The following ZNF420 variants were observed in gnomAD, a reference collection of about 807,000 sequenced individuals.
ZNF420 encodes zinc finger protein 420.
ZNF420 carries 31 observed loss-of-function variants against 44.7 expected under a neutral mutation model. That is an observed-to-expected ratio of 0.69 (90% confidence interval 0.52 to 0.94). The LOEUF is 0.94. Ranked by LOEUF, ZNF420 falls within the 40% of genes least tolerant of loss-of-function variation. The pLI, the probability that ZNF420 is intolerant of heterozygous loss-of-function variation, is 0.00. For missense variants in ZNF420, 681 were observed against 827.9 expected (o/e 0.82, Z 2.18); for synonymous variants, 245 against 267.4 (o/e 0.92, Z 0.82).
intron 4 of ZNF420, among the ~76,000 whole-genome samples, chr19:37,120,288 C>T (rs867265807): frequency 6.6e-6 from 1 of 152,208 alleles, no homozygotes; most frequent in Non-Finnish European, 1.5e-5. Flanking sequence ...ATCAAGTGGG[C>T]TTCATCCCTG....
At chr19:37,010,643 G>A (rs754123017) in intron 1 of ZNF420, among the ~76,000 whole-genome samples, 3 of 151,888 alleles carry the variant, frequency 2.0e-5, no homozygotes, top group Non-Finnish European at 4.4e-5. Flanking sequence ...CTTGCATATC[G>A]GCCTGTCTTT....
At chr19:37,014,710 A>G (rs1254188696) in intron 1 of ZNF420, among the ~76,000 whole-genome samples, 1 of 152,242 alleles carries the variant, frequency 6.6e-6, no homozygotes, top group Non-Finnish European at 1.5e-5. Flanking sequence ...GCAAGCTCTG[A>G]GCCAGGGCTG....
chr19:37,115,608 A>G (rs1970631168), intron 4 of ZNF420, among the ~76,000 whole-genome samples: 1 of 151,934 alleles, frequency 6.6e-6, no homozygotes, highest in Admixed American at 6.6e-5. Context: ...CTTCTATCTC[A>G]GTAAATAGAA....
intron 1 of ZNF420, among the ~76,000 whole-genome samples, chr19:37,010,008 C>A (rs2074556220): frequency 6.6e-6 from 1 of 152,174 alleles, no homozygotes; most frequent in South Asian, 2.1e-4. Context: ...CTGCCGCCGC[C>A]ATTGTTCGAG....
intron 1 of ZNF420, among the ~76,000 whole-genome samples, chr19:37,049,385 C>T (rs1182369479): frequency 6.6e-6 from 1 of 152,188 alleles, no homozygotes; most frequent in Non-Finnish European, 1.5e-5. Context: ...CTGTTGTTTC[C>T]TGACTTATTA....
chr19:37,122,990 C>G (rs942621466), intron 4 of ZNF420, among the ~76,000 whole-genome samples: 1 of 152,186 alleles, frequency 6.6e-6, no homozygotes, highest in African/African-American at 2.4e-5. Context: ...CAGGTCTGCC[C>G]CATCACAGTG....
intron 1 of ZNF420, among the ~76,000 whole-genome samples, chr19:37,045,099 T>G (rs1373414157): frequency 6.6e-6 from 1 of 152,224 alleles, no homozygotes; most frequent in East Asian, 1.9e-4. Flanking sequence ...TTCATGATAC[T>G]GCTTGCTAAG....
chr19:37,099,024 T>C lies in ZNF420; in HGVS notation c.136+7903T>C, dbSNP rs148765124. Reference sequence around the variant, plus strand: ...AATAACAGGATTTTATTCATTTTTATAGGTTAATAGTATTCTATTCTGCAT... The same window carrying C: ...AATAACAGGATTTTATTCATTTTTACAGGTTAATAGTATTCTATTCTGCAT... On this transcript the variant is annotated intron_variant, in intron 4 of 4. Coordinates refer to ENST00000337995, the MANE Select transcript of ZNF420 (RefSeq NM_144689.5). Among the ~76,000 whole-genome samples, 290 of 152,360 alleles carry C rather than the reference T, an allele frequency of 1.9e-3. 3 individuals carry two copies. The highest frequency in any genetic ancestry group is 6.4e-3 in the African/African-American group (267 of 41,588).
At chr19:37,050,575 A>C (rs1167348269) in intron 1 of ZNF420, among the ~76,000 whole-genome samples, 1 of 152,118 alleles carries the variant, frequency 6.6e-6, no homozygotes, top group African/African-American at 2.4e-5. Context: ...TTATCCTGAG[A>C]CTTTGCTGTA....
intron 4 of ZNF420, chr19:37,109,608 C>T (rs906051309): frequency 6.6e-6 from 1 of 152,204 alleles, no homozygotes; most frequent in Non-Finnish European, 1.5e-5. Context: ...GTTTCTGTCT[C>T]CGTGGAGGTG....
At chr19:37,051,616 CTTT>C (rs1275359326) in intron 1 of ZNF420, among the ~76,000 whole-genome samples, 3 of 152,006 alleles carry the variant, frequency 2.0e-5, no homozygotes, top group African/African-American at 7.2e-5. Context: ...CTCTTTTCTT[CTTT>C]ATTAGTCTTG....
intron 1 of ZNF420, among the ~76,000 whole-genome samples, chr19:37,049,244 G>T (rs1360509309): frequency 6.6e-6 from 1 of 152,172 alleles, no homozygotes; most frequent in Admixed American, 6.5e-5. Context: ...TAATGGGATT[G>T]CTGGGTCAAA....
At chr19:37,105,699 CTTTTA>C (rs1032984365) in intron 4 of ZNF420, among the ~76,000 whole-genome samples, 22 of 152,266 alleles carry the variant, frequency 1.4e-4, no homozygotes, top group African/African-American at 3.9e-4. Context: ...TTTGTGTTCT[CTTTTA>C]TTTCACTGAG....
intron 1 of ZNF420, among the ~76,000 whole-genome samples, chr19:37,050,023 T>G (rs144299439): frequency 0.024 from 3,676 of 152,274 alleles, 160 homozygotes; most frequent in African/African-American, 0.083. Flanking sequence ...ATCAGATGGT[T>G]GTAGATATGC....
intron 4 of ZNF420, chr19:37,108,349 A>C (rs892706884): frequency 6.6e-6 from 1 of 152,232 alleles, no homozygotes; most frequent in African/African-American, 2.4e-5. Context: ...ACAGGGATCC[A>C]CACGCCTTCC....
At chr19:37,054,435 G>A (rs916456152) in intron 1 of ZNF420, among the ~76,000 whole-genome samples, 9 of 152,152 alleles carry the variant, frequency 5.9e-5, no homozygotes, top group South Asian at 2.1e-4. Flanking sequence ...GAAATCACCC[G>A]TCTTCTGCAT....
rs1180125881 is a variant in ZNF420, at chr19:37,059,773, C to T, written c.-124-20572C>T. On this transcript the variant is annotated intron_variant, in intron 1 of 4. Coordinates refer to the ZNF420 transcript ENST00000587029. ...TTGCCTGGCATTTCTGTTTCTATGCCACTGCTCTGTCTCTGTCTCTTTCTC... is the reference window on the plus strand; with the variant it reads ...TTGCCTGGCATTTCTGTTTCTATGCTACTGCTCTGTCTCTGTCTCTTTCTC... Among the ~76,000 whole-genome samples, 3 of 151,958 alleles carry T rather than the reference C, an allele frequency of 2.0e-5. No homozygotes were observed. The East Asian group carries it at 5.8e-4, about 30-fold the overall frequency.
chr19:37,075,645 G>A (rs1004040349), upstream of ZNF420, among the ~76,000 whole-genome samples: 2 of 152,078 alleles, frequency 1.3e-5, no homozygotes, highest in African/African-American at 4.8e-5. Flanking sequence ...GGGAGGCTGA[G>A]GCAGGAGAAT....
At chr19:37,071,385 G>A (rs1240377942) in intron 1 of ZNF420, among the ~76,000 whole-genome samples, 1 of 152,116 alleles carries the variant, frequency 6.6e-6, no homozygotes, top group Non-Finnish European at 1.5e-5. Flanking sequence ...GGAGTAAGTA[G>A]CTGAAACTAT....
Sources: gnomAD v4.1 joint callset for allele counts (sites outside exome capture counted in the v4.1 genomes callset) on GRCh38, gnomAD v4.1.1 for gene constraint, MANE v1.5 for transcripts, NCBI Gene and HGNC (gene_info 2026-07-23, HGNC 2026-07-21) for gene names.